TLK2: variants seen among roughly 807,000 people sequenced by gnomAD.
TLK2 encodes tousled like kinase 2.
A neutral mutation model predicts 117.3 loss-of-function variants in TLK2; 6 were observed. The ratio of observed to expected loss-of-function variants is 0.05; its 90% CI spans 0.03 to 0.10. The LOEUF (loss-of-function observed/expected upper bound fraction) is 0.10. Ranked by LOEUF, TLK2 falls within the 10% of genes least tolerant of loss-of-function variation. The pLI is 1.00. For missense variants in TLK2, 299 were observed against 901.2 expected (o/e 0.33, Z 8.56); for synonymous variants, 257 against 316.7 (o/e 0.81, Z 2.00).
chr17:62,473,396 AC>A (rs1477509154), intron 1 of TLK2, among the ~76,000 whole-genome samples: 1 of 152,224 alleles, frequency 6.6e-6, no homozygotes, highest in Non-Finnish European at 1.5e-5. Context: ...GCTCCCAGAG[AC>A]CCACACACCA....
chr17:62,599,541 C>T (rs1486013992), intron 17 of TLK2, among the ~76,000 whole-genome samples: 1 of 152,088 alleles, frequency 6.6e-6, no homozygotes, highest in Non-Finnish European at 1.5e-5. Flanking sequence ...AGGGGGTCTC[C>T]ACCTCCTCTC....
intron 9 of TLK2, among the ~76,000 whole-genome samples, chr17:62,555,698 C>T (rs1241450301): frequency 5.3e-5 from 8 of 151,818 alleles, no homozygotes; most frequent in Admixed American, 2.6e-4. Flanking sequence ...AGGCTGGTCT[C>T]GAACCCCTGA....
chr17:62,576,754 C>T lies in TLK2; in HGVS notation c.1167C>T (p.Leu389=), dbSNP rs751955879. ...ATGAACAAGAAGAAATCTTCAAACT[C>T]AGATTAGGTCATCTTAAAAAGGTAA... ...EYHEQEEIFK[L]RLGHLKKEEA... Residue 389 remains leucine, a synonymous_variant, in exon 13 of 22, where the codon CTC becomes CTT. Coordinates refer to ENST00000346027, the MANE Select transcript of TLK2 (RefSeq NM_006852.6). The T allele has an allele frequency of 4.3e-6, 7 of 1,612,706 alleles. No individual in the cohort carries two copies. Among genetic ancestry groups the T allele is most frequent in the Non-Finnish European group, 5.9e-6 (7 of 1,178,902 alleles).
chr17:62,542,867 A>G (rs759850597), intron 7 of TLK2, among the ~76,000 whole-genome samples: 3 of 152,236 alleles, frequency 2.0e-5, no homozygotes, highest in Non-Finnish European at 2.9e-5. Context: ...GTATTTTAAA[A>G]TACAATTCAG....
rs869092720 is a variant in TLK2 at position 62,471,888 on chromosome 17, C to CTTTT, written c.-205+836_-205+839dup. On this transcript the variant is annotated intron_variant, in intron 1 of 4. Coordinates refer to the TLK2 transcript ENST00000579450. The stretch of plus-strand genomic sequence containing the variant: ...GGCATGGAAGATTAGGTAGTATAGT[C>CTTTT]TTTTTTTTTTTTTTTTTTTTTTTTT... 4.7e-3 allele frequency among the ~76,000 whole-genome samples: 177 copies of CTTTT among 37,776 alleles called. 60 individuals carry two copies. Among genetic ancestry groups the CTTTT allele is most frequent in the South Asian group, 0.015 (9 of 596 alleles). 24.8% of individuals were successfully genotyped at this position (37,776 alleles called of 152,430 possible).
chr17:62,545,035 T>G (rs1005204572), intron 7 of TLK2, among the ~76,000 whole-genome samples: 1 of 152,196 alleles, frequency 6.6e-6, no homozygotes, highest in African/African-American at 2.4e-5. Context: ...TTTTTGTATG[T>G]TGATCTGTCA....
chr17:62,478,629 C>A (rs552582856), upstream of TLK2, among the ~76,000 whole-genome samples: 160 of 151,034 alleles, frequency 1.1e-3, no homozygotes, highest in African/African-American at 3.7e-3. Flanking sequence ...CTGGTTAACC[C>A]CTGCCCGGCA....
At chr17:62,474,843 T>TA (rs1376809312), upstream of TLK2, among the ~76,000 whole-genome samples, 1 of 150,794 alleles carries the variant, frequency 6.6e-6, no homozygotes, top group Non-Finnish European at 1.5e-5. Context: ...TTTTTTTTTT[T>TA]AAGAGACAAG....
At chr17:62,555,909 C>T (rs1430524670) in intron 9 of TLK2, among the ~76,000 whole-genome samples, 7 of 152,212 alleles carry the variant, frequency 4.6e-5, no homozygotes, top group Non-Finnish European at 7.4e-5. Flanking sequence ...ACCTTGGCCT[C>T]CCAAGTAGTT....
chr17:62,562,449 A>G (rs562333675), intron 10 of TLK2, among the ~76,000 whole-genome samples: 13 of 152,322 alleles, frequency 8.5e-5, no homozygotes, highest in East Asian at 1.9e-4. Context: ...TAAAACTCTT[A>G]TAACTTAATC....
intron 6 of TLK2, among the ~76,000 whole-genome samples, chr17:62,527,148 A>T (rs561688110): frequency 1.1e-3 from 175 of 152,300 alleles, no homozygotes; most frequent in Non-Finnish European, 1.7e-3. Flanking sequence ...CTTTTCTCAG[A>T]TACCAGCAAT....
intron 7 of TLK2, among the ~76,000 whole-genome samples, chr17:62,540,098 TC>T (rs373837666): frequency 2.7e-5 from 4 of 148,846 alleles, no homozygotes; most frequent in South Asian, 2.1e-4. Context: ...TTCTTTCTTT[TC>T]TTTTTTTTTT....
chr17:62,518,221 T>A (rs1183524863), intron 2 of TLK2, among the ~76,000 whole-genome samples: 1 of 152,218 alleles, frequency 6.6e-6, no homozygotes, highest in Admixed American at 6.5e-5. Context: ...AATATAGTTT[T>A]TAATGGTAAA....
chr17:62,584,243 A>G (rs918011943), intron 15 of TLK2, among the ~76,000 whole-genome samples: 16 of 150,396 alleles, frequency 1.1e-4, no homozygotes, highest in Admixed American at 6.7e-5. Context: ...CAGCTTCCCA[A>G]GTAGCTGGGA....
In TLK2 at chr17:62,527,221, C is replaced by G. The variant is rs184664677; in HGVS notation, c.363+2890C>G. On this transcript the variant is annotated intron_variant, in intron 6 of 21. Coordinates refer to ENST00000346027, the MANE Select transcript of TLK2 (RefSeq NM_006852.6). ...AAGCGGTCTCCCTTAGCCAACTTCT[C>G]TAAAATAGCAGTCCCTCATACCTTG... is the stretch of plus-strand genomic sequence containing the variant. 3.9e-4 allele frequency among the ~76,000 whole-genome samples: 60 copies of G among 152,328 alleles called. 1 individual carries two copies. Among genetic ancestry groups the G allele is most frequent in the African/African-American group, 1.4e-3 (59 of 41,586 alleles).
In TLK2 at chr17:62,536,323, T is replaced by C; in HGVS notation, c.517T>C (p.Phe173Leu). ...QLAQRGAGLCFTFVSAQQNSP... is the reference protein window; with the variant it reads ...QLAQRGAGLCLTFVSAQQNSP... ...GGCGCAAAGGGGAGCTGGCCTCTGC[T>C]TCACTTTTGTTTCAGTGAGTACAAA... The change falls in exon 7 of 22, where the codon TTC (phenylalanine) becomes CTC (leucine). Residue 173 changes from phenylalanine to leucine, a missense_variant. Phe to Leu is a conservative substitution (Grantham distance 22). Coordinates refer to ENST00000346027, the MANE Select transcript of TLK2 (RefSeq NM_006852.6). 6.2e-7 allele frequency: 1 copy of C among 1,612,328 alleles called. No homozygotes were observed. The highest frequency in any genetic ancestry group is 8.5e-7 in the Non-Finnish European group (1 of 1,179,124).
At chr17:62,574,322 G>T (rs1369806052) in intron 12 of TLK2, 1 of 1,538,794 alleles carries the variant, frequency 6.5e-7, no homozygotes, top group African/African-American at 1.4e-5. Context: ...GTAAGTTTAT[G>T]TTAAATGCTT....
chr17:62,599,737 C>A (rs997187800), intron 17 of TLK2, among the ~76,000 whole-genome samples: 3 of 152,192 alleles, frequency 2.0e-5, no homozygotes, highest in Non-Finnish European at 4.4e-5. Context: ...GAATTAAAGT[C>A]TCTCTGTTTT....
At chr17:62,566,939 T>C (rs2079842524) in intron 11 of TLK2, among the ~76,000 whole-genome samples, 1 of 152,130 alleles carries the variant, frequency 6.6e-6, no homozygotes, top group Non-Finnish European at 1.5e-5. Context: ...TTTTAAGAAG[T>C]GCTTTTGGCC....
Sources: allele counts gnomAD v4.1 joint callset (sites outside exome capture counted in the v4.1 genomes callset), GRCh38; gene constraint gnomAD v4.1.1; transcripts MANE v1.5; gene names NCBI Gene and HGNC (gene_info 2026-07-23, HGNC 2026-07-21).